Variants in LDLRAD1 observed in about 807,000 individuals in gnomAD.
LDLRAD1 encodes the protein low density lipoprotein receptor class A domain containing 1.
In LDLRAD1, 17 loss-of-function variants were observed where a neutral mutation model predicts 24.8. That is an observed-to-expected ratio of 0.69 (90% CI 0.47 to 1.03). The LOEUF (loss-of-function observed/expected upper bound fraction) is 1.03. Among genes scored for constraint, LDLRAD1 ranks in the 50% least tolerant of loss-of-function variants. LDLRAD1 has a pLI of 0.00. For synonymous variants in LDLRAD1, 103 were observed against 108.2 expected (o/e 0.95, Z 0.30); for missense variants, 277 against 271.0 (o/e 1.02, Z -0.16).
chr1:54,011,940 C>T lies in LDLRAD1; in HGVS notation c.340+203G>A, dbSNP rs1362862543. ...AATACGGGTTCTCTGGGAGTGGAGA[C>T]GCACAGGGTGAAGGCATTCCTTAGT... On this transcript the variant is annotated intron_variant, in intron 4 of 5. Coordinates refer to ENST00000371360, the MANE Select transcript of LDLRAD1 (RefSeq NM_001010978.4). 2.0e-5 allele frequency among the ~76,000 whole-genome samples: 3 copies of T among 152,152 alleles called. No individual in the cohort carries two copies. The East Asian group carries it at 5.8e-4, about 29-fold the overall frequency.
Position 54,008,876 on chromosome 1 carries a change from C to CGGTGGTAGGGGTGTT in LDLRAD1, c.*105_*106insAACACCCCTACCACC. 1.0e-6 allele frequency: 1 copy of CGGTGGTAGGGGTGTT among 986,048 alleles called. No individual in the cohort carries two copies. The highest frequency in any genetic ancestry group is 2.4e-5 in the Admixed American group (1 of 41,404). The allele number at this position is 986,048 out of a possible 1,614,324, so 61.1% of individuals were successfully genotyped here. A position where few individuals can be genotyped will look rare whatever the true frequency, so the allele number is the denominator to read the frequency against. On this transcript the variant is annotated 3_prime_UTR_variant, in exon 6 of 6. Transcript: ENST00000371360. ...CTATTCAGAAATGATGTGTAGATCC[C>CGGTGGTAGGGGTGTT]ATTTCAAAGGCTGCTTCCTGCCCTT...
At chr1:54,013,573 GTCTCTTCT>G (rs1656157247) in intron 3 of LDLRAD1, among the ~76,000 whole-genome samples, 1 of 151,854 alleles carries the variant, frequency 6.6e-6, no homozygotes, top group South Asian at 2.1e-4. Context: ...GCCTCTTGCA[GTCTCTTCT>G]TCTCTTCCTG....
chr1:54,017,797 C>T (rs1246025096), intron 1 of LDLRAD1, among the ~76,000 whole-genome samples: 3 of 152,136 alleles, frequency 2.0e-5, no homozygotes, highest in Non-Finnish European at 2.9e-5. Context: ...CACTTGCCAC[C>T]TGGACTGTAT....
intron 1 of LDLRAD1, 59 bp downstream of exon 1, chr1:54,018,033 G>A (rs2100270760): frequency 2.1e-6 from 3 of 1,445,950 alleles, no homozygotes; most frequent in East Asian, 4.5e-5. Context: ...CCTGGGGACA[G>A]CTCTCACTTG....
At position 54,014,286 on chromosome 1, in the gene LDLRAD1, GC is replaced by G; in HGVS notation, c.151del (p.Ala51ArgfsTer23). The G allele has an allele frequency of 6.4e-7, 1 of 1,551,298 alleles. No homozygotes were observed. On this transcript the variant is annotated frameshift_variant, in exon 3 of 6. Coordinates refer to ENST00000371360, the MANE Select transcript of LDLRAD1 (RefSeq NM_001010978.4). LOFTEE classifies it high-confidence loss of function. ...ASLLLLLATV[A>X]ALIALVTILG... ...AATGGTGACCAAGGCGATGAGGGCC[GC>G]CACAGTTGCCAGGAGGAGCAGCAGA...
chr1:54,016,871 C>T (rs1042864534), intron 2 of LDLRAD1, among the ~76,000 whole-genome samples: 2 of 152,190 alleles, frequency 1.3e-5, no homozygotes, highest in African/African-American at 2.4e-5. Flanking sequence ...GAGTGTGTTT[C>T]GTCATTGATC....
At chr1:54,016,223 T>A (rs1656298202) in intron 2 of LDLRAD1, among the ~76,000 whole-genome samples, 1 of 151,836 alleles carries the variant, frequency 6.6e-6, no homozygotes, top group African/African-American at 2.4e-5. Context: ...AAGATGGATG[T>A]GTATTGGGAG....
chr1:54,017,488 G>GCAGACAACAGGGTTTT, intron 1 of LDLRAD1, 61 bp from the exon 2 acceptor site: 1 of 1,435,926 alleles, frequency 7.0e-7, no homozygotes, highest in African/African-American at 1.4e-5. Flanking sequence ...CCTCAGGGAG[G>GCAGACAACAGGGTTTT]CAGACAACAG....
chr1:54,014,751 T>G (rs1232840055), intron 2 of LDLRAD1, among the ~76,000 whole-genome samples: 2 of 152,226 alleles, frequency 1.3e-5, no homozygotes, highest in Non-Finnish European at 2.9e-5. Context: ...AAAACAACCT[T>G]TTATTTTATC....
intron 2 of LDLRAD1, among the ~76,000 whole-genome samples, chr1:54,015,640 C>CTTTTGTTTT (rs964185529): frequency 2.7e-5 from 4 of 147,102 alleles, no homozygotes; most frequent in Non-Finnish European, 4.5e-5. Flanking sequence ...GTGGTGGGGG[C>CTTTTGTTTT]TTTTGTTTTT....
intron 2 of LDLRAD1, among the ~76,000 whole-genome samples, chr1:54,014,893 C>T (rs957614663): frequency 2.6e-5 from 4 of 152,198 alleles, no homozygotes; most frequent in African/African-American, 9.7e-5. Context: ...ATTCTGGAGT[C>T]TGCTGGGATG....
chr1:54,011,777 C>T (rs1344845649), intron 4 of LDLRAD1, among the ~76,000 whole-genome samples: 1 of 152,188 alleles, frequency 6.6e-6, no homozygotes, highest in Non-Finnish European at 1.5e-5. Flanking sequence ...CAATCAAGAG[C>T]GACAACCAGT....
At position 54,010,329 on chromosome 1, in the gene LDLRAD1, C is replaced by A; in HGVS notation, c.422G>T (p.Cys141Phe). 1 of 1,614,060 alleles carries A rather than the reference C, an allele frequency of 6.2e-7. No homozygotes were observed. Residue 141 changes from cysteine (C) to phenylalanine (F), a missense_variant, in exon 5 of 6, where the codon TGT becomes TTT. Coordinates refer to ENST00000371360, the MANE Select transcript of LDLRAD1 (RefSeq NM_001010978.4). The part of the protein sequence containing the change: ...PASWIYSDQK[C>F]DGTNNCGDCS... Reference sequence around the variant, plus strand: ...GTCCCCGCAGTTGTTAGTGCCATCACATTTTTGGTCTGAGTAGATCCAGGA... The same window carrying A: ...GTCCCCGCAGTTGTTAGTGCCATCAAATTTTTGGTCTGAGTAGATCCAGGA...
At chr1:54,014,527 G>A (rs998951629) in intron 2 of LDLRAD1, among the ~76,000 whole-genome samples, 163 bp from the exon 3 acceptor site, 3 of 152,158 alleles carry the variant, frequency 2.0e-5, no homozygotes, top group Admixed American at 2.0e-4. Context: ...AGCCCTCCTT[G>A]ATGCTCTTTG....
chr1:54,010,581 G>C (rs1278646972), intron 4 of LDLRAD1, among the ~76,000 whole-genome samples, 171 bp from the exon 5 acceptor site: 1 of 151,976 alleles, frequency 6.6e-6, no homozygotes, highest in East Asian at 1.9e-4. Flanking sequence ...GAGTCAGAGG[G>C]AGAGGAGAGC....
chr1:54,014,981 T>C (rs1351120055), intron 2 of LDLRAD1, among the ~76,000 whole-genome samples: 2 of 152,234 alleles, frequency 1.3e-5, no homozygotes, highest in African/African-American at 4.8e-5. Context: ...TGCCTCAGTT[T>C]CCTCATGTGG....
Position 54,008,352 on chromosome 1 carries a change from G to A in LDLRAD1, c.*630C>T, listed in dbSNP as rs1278491764. On this transcript the variant is annotated 3_prime_UTR_variant, in exon 6 of 6. Transcript: ENST00000371360. ...ACCAAAGGGGTAGGAAGTGGCATAT[G>A]TTTCACGTATGTGCCATCCATGAAG... 6.6e-6 allele frequency: 1 copy of A among 152,228 alleles called. No homozygotes were observed. Among genetic ancestry groups the A allele is most frequent in the Non-Finnish European group, 1.5e-5 (1 of 68,054 alleles). 9.4% of individuals were successfully genotyped at this position (152,228 alleles called of 1,614,324 possible). A position where few individuals can be genotyped will look rare whatever the true frequency, so the allele number is the denominator to read the frequency against.
intron 2 of LDLRAD1, 38 bp downstream of exon 2, chr1:54,017,338 C>A: frequency 6.4e-7 from 1 of 1,556,122 alleles, no homozygotes. Flanking sequence ...TCAAGGGAGC[C>A]CCACAGGGCA....
chr1:54,013,742 T>C (rs539940069), intron 3 of LDLRAD1, among the ~76,000 whole-genome samples: 1 of 152,286 alleles, frequency 6.6e-6, no homozygotes, highest in East Asian at 1.9e-4. Context: ...CGCTGTAATG[T>C]GTATTCACGT....
Sources: allele counts gnomAD v4.1 joint callset (sites outside exome capture counted in the v4.1 genomes callset), GRCh38; gene constraint gnomAD v4.1.1; transcripts MANE v1.5; gene names NCBI Gene and HGNC (gene_info 2026-07-23, HGNC 2026-07-21).